The following HAS3 variants were observed in gnomAD, a reference collection of about 807,000 sequenced individuals.
The protein encoded by HAS3 is hyaluronan synthase 3, also known as HA synthase 3.
A neutral mutation model predicts 50.3 loss-of-function variants in HAS3; 27 were observed. The observed-to-expected ratio is 0.54, with a 90% CI of 0.40 to 0.74. The LOEUF is 0.74. Among genes scored for constraint, HAS3 ranks in the 30% least tolerant of loss-of-function variants. The pLI, the probability that HAS3 is intolerant of heterozygous loss-of-function variation, is 0.00. For missense variants in HAS3, 517 were observed against 742.8 expected, an observed-to-expected ratio of 0.70 and a Z score of 3.53; for synonymous variants, 339 against 310.9, an observed-to-expected ratio of 1.09 and a Z score of -0.95.
chr16:69,093,049 G>A, the HAS3 span, among the ~76,000 whole-genome samples: 3 of 152,166 alleles, frequency 2.0e-5, no homozygotes, highest in Admixed American at 2.0e-4. Context: ...AGCAGAGGAG[G>A]CAGAAAGCCA....
At chr16:69,102,089 T>G (rs1219427542), upstream of HAS3, among the ~76,000 whole-genome samples, 2 of 152,198 alleles carry the variant, frequency 1.3e-5, no homozygotes, top group African/African-American at 4.8e-5. Flanking sequence ...CGGCCTATAC[T>G]TGTACTCTCA....
the HAS3 span, among the ~76,000 whole-genome samples, chr16:69,089,541 A>C: frequency 6.6e-6 from 1 of 152,204 alleles, no homozygotes; most frequent in East Asian, 1.9e-4. Context: ...GCCACACTGC[A>C]GTGCGCGGCA....
At chr16:69,105,084 T>C (rs1555532023), upstream of HAS3, among the ~76,000 whole-genome samples, 1 of 134,416 alleles carries the variant, frequency 7.4e-6, no homozygotes, top group Admixed American at 8.6e-5. Context: ...TTCAGCTCAC[T>C]GCAACCTCCA....
chr16:69,086,417 G>A, the HAS3 span, among the ~76,000 whole-genome samples: 17 of 152,094 alleles, frequency 1.1e-4, no homozygotes, highest in African/African-American at 3.9e-4. Context: ...TCCCACATTA[G>A]CCTTCCAAAG....
At position 69,109,524 on chromosome 16, in the gene HAS3, G is replaced by A. The variant is rs1247391489; in HGVS notation, c.129G>A (p.Leu43=). The A allele has an allele frequency of 3.1e-6, 5 of 1,613,894 alleles. No homozygotes were observed. In the Admixed American group the frequency reaches 6.7e-5, roughly 22 times the overall value. Residue 43 remains leucine, a synonymous_variant, in exon 2 of 4, where the codon CTG becomes CTA. Coordinates refer to ENST00000569188, the MANE Select transcript of HAS3 (RefSeq NM_001199280.2). The surrounding 1 kb of genome is among the most constrained non-coding windows in gnomAD (Gnocchi z 5.3). Reference sequence around the variant, plus strand: ...TCATCCACACGGAAAAGCACTACCTGTCCTTCGGCCTGTACGGCGCCATCC... The same window carrying A: ...TCATCCACACGGAAAAGCACTACCTATCCTTCGGCCTGTACGGCGCCATCC... ...YQFIHTEKHY[L]SFGLYGAILG...
the HAS3 span, among the ~76,000 whole-genome samples, chr16:69,087,204 C>T: frequency 1.3e-5 from 2 of 152,148 alleles, no homozygotes; most frequent in African/African-American, 4.8e-5. Flanking sequence ...CCTTTTTCCC[C>T]TTCTAGGCTC....
intron 1 of HAS3, among the ~76,000 whole-genome samples, chr16:69,108,264 G>A (rs1254306721): frequency 6.6e-6 from 1 of 152,122 alleles, no homozygotes; most frequent in Non-Finnish European, 1.5e-5. Flanking sequence ...GCTCTTCGGG[G>A]CCGGAAGTGT....
rs1961194660 is a variant in HAS3, at chr16:69,116,620, G to T, written c.*1354G>T. On this transcript the variant is annotated 3_prime_UTR_variant, in exon 4 of 4. Transcript: ENST00000569188. ...CTGCTTCTTTCCAGAAACCAAACTA[G>T]GAGATGAAACTGGTTCCTACATCCT... 2 of 985,334 alleles carry T rather than the reference G, an allele frequency of 2.0e-6. No homozygotes were observed. The highest frequency in any genetic ancestry group is 6.1e-5 in the Admixed American group (1 of 16,264). 61.0% of individuals were successfully genotyped at this position (985,334 alleles called of 1,614,324 possible).
At chr16:69,093,523 C>CTTTTTTTTTTT in the HAS3 span, among the ~76,000 whole-genome samples, 1 of 87,436 alleles carries the variant, frequency 1.1e-5, no homozygotes, top group African/African-American at 4.7e-5. Context: ...TACAGTGTAT[C>CTTTTTTTTTTT]TTTTTTTTTT....
At position 69,113,469 on chromosome 16, in the gene HAS3, C is replaced by A. The variant is rs1961075599; in HGVS notation, c.665C>A (p.Pro222Gln). The change falls in exon 3 of 4, where the codon CCA (proline) becomes CAA (glutamine). Residue 222 changes from proline to glutamine, a missense_variant. Pro to Gln is a moderately conservative substitution (Grantham distance 76). Coordinates refer to ENST00000569188, the MANE Select transcript of HAS3 (RefSeq NM_001199280.2). ...TGCGACTCTGACACTGTGCTGGATCCAGCCTGCACCATCGAGATGCTTCGA... is the reference window on the plus strand; with the variant it reads ...TGCGACTCTGACACTGTGCTGGATCAAGCCTGCACCATCGAGATGCTTCGA... ...QVCDSDTVLD[P>Q]ACTIEMLRVL... 1 of 1,613,656 alleles carries A rather than the reference C, an allele frequency of 6.2e-7. No individual in the cohort carries two copies. The highest frequency in any genetic ancestry group is 8.5e-7 in the Non-Finnish European group (1 of 1,179,800).
At chr16:69,086,196 T>C in the HAS3 span, among the ~76,000 whole-genome samples, 1 of 151,222 alleles carries the variant, frequency 6.6e-6, no homozygotes, top group East Asian at 1.9e-4. Flanking sequence ...ACAGACAGGG[T>C]CTCACTTTGT....
In HAS3 at chr16:69,114,462, C is replaced by G. The variant is rs765021793; in HGVS notation, c.858C>G (p.Pro286=). 95 of 1,613,916 alleles carry G rather than the reference C, an allele frequency of 5.9e-5. No homozygotes were observed. Among genetic ancestry groups the G allele is most frequent in the Non-Finnish European group, 7.8e-5 (92 of 1,179,994 alleles). The part of the protein sequence containing the change: ...YFGCVQCISG[P]LGMYRNSLLQ... The stretch of plus-strand genomic sequence containing the variant: ...GCTGTGTGCAGTGTATTAGTGGGCC[C>G]TTGGGCATGTACCGCAACAGCCTCC... Residue 286 remains proline, a synonymous_variant, in exon 4 of 4, where the codon CCC becomes CCG. Transcript: ENST00000569188. The surrounding 1 kb of genome is among the most constrained non-coding windows in gnomAD (Gnocchi z 6.4).
Position 69,114,820 on chromosome 16 carries a change from A to G in HAS3, c.1216A>G (p.Ile406Val). 2 of 1,614,068 alleles carry G rather than the reference A, an allele frequency of 1.2e-6. No homozygotes were observed. Among genetic ancestry groups the G allele is most frequent in the South Asian group, 1.1e-5 (1 of 91,070 alleles). Residue 406 changes from isoleucine to valine, a missense_variant, in exon 4 of 4, where the codon ATC becomes GTC. By Grantham distance (29) the Ile-to-Val change is conservative (BLOSUM62 3). Coordinates refer to ENST00000569188, the MANE Select transcript of HAS3 (RefSeq NM_001199280.2). The surrounding 1 kb of genome is among the most constrained non-coding windows in gnomAD (Gnocchi z 6.4). ...TATACAGCTTTTCTACCGGGGCCGC[A>G]TCTGGAACATTCTCCTCTTCCTGCT... is the stretch of plus-strand genomic sequence containing the variant. ...TVIQLFYRGR[I>V]WNILLFLLTV...
chr16:69,104,755 A>G (rs1960742080), upstream of HAS3, among the ~76,000 whole-genome samples: 1 of 151,846 alleles, frequency 6.6e-6, no homozygotes, highest in Non-Finnish European at 1.5e-5. Flanking sequence ...ATAATGTAAG[A>G]TGGGATTGTG....
chr16:69,108,507 C>T (rs930746181), intron 1 of HAS3, among the ~76,000 whole-genome samples: 2 of 152,118 alleles, frequency 1.3e-5, no homozygotes, highest in Non-Finnish European at 1.5e-5. Flanking sequence ...AAATGGAAAC[C>T]GGGCATTGTT....
At chr16:69,112,884 G>A (rs1283827855) in intron 2 of HAS3, among the ~76,000 whole-genome samples, 2 of 152,212 alleles carry the variant, frequency 1.3e-5, no homozygotes, top group African/African-American at 2.4e-5. Flanking sequence ...GCCCTGGTCC[G>A]AGAGGCTCGG....
In HAS3 at chr16:69,117,106, A is replaced by G; in HGVS notation, c.*1840A>G. Reference sequence around the variant, plus strand: ...ACCCAACCCATGAAGGCTGGAAGGCAGCAGGCATTTGCTAAGGCAGCTGAT... The same window carrying G: ...ACCCAACCCATGAAGGCTGGAAGGCGGCAGGCATTTGCTAAGGCAGCTGAT... On this transcript the variant is annotated 3_prime_UTR_variant, in exon 4 of 4. Transcript: ENST00000569188. 1 of 985,864 alleles carries G rather than the reference A, an allele frequency of 1.0e-6. No homozygotes were observed. 61.1% of individuals were successfully genotyped at this position (985,864 alleles called of 1,614,324 possible). A position where few individuals can be genotyped will look rare whatever the true frequency, so the allele number is the denominator to read the frequency against.
chr16:69,118,569 A>G (rs1961350633), downstream of HAS3: 1 of 764,874 alleles, frequency 1.3e-6, no homozygotes, highest in Admixed American at 2.0e-5. Flanking sequence ...CTAGTAAGAA[A>G]CAATGGGCAG....
chr16:69,098,295 C>T, the HAS3 span, among the ~76,000 whole-genome samples: 27 of 151,972 alleles, frequency 1.8e-4, 1 homozygote, highest in Non-Finnish European at 3.2e-4. Context: ...GGCGTGAACC[C>T]GGGAGGCAGA....
Sources: gnomAD v4.1 joint callset for allele counts (sites outside exome capture counted in the v4.1 genomes callset) on GRCh38, gnomAD v4.1.1 for gene constraint, Gnocchi (gnomAD v3.1) non-coding constraint, MANE v1.5 for transcripts, NCBI Gene and HGNC (gene_info 2026-07-23, HGNC 2026-07-21) for gene names.